KIF6: variants seen among roughly 807,000 people sequenced by gnomAD.
KIF6 encodes kinesin-like protein KIF6.
In KIF6, 106 loss-of-function variants were observed where a neutral mutation model predicts 112.7. That is an observed-to-expected ratio of 0.94 (90% CI 0.80 to 1.11). KIF6 has a LOEUF of 1.11. KIF6 is among the 50% of genes least tolerant of loss of function. The pLI is 0.00. For synonymous variants in KIF6, 339 were observed against 339.9 expected (o/e 1.00, Z 0.03); for missense variants, 929 against 964.0 (o/e 0.96, Z 0.48).
intron 15 of KIF6, among the ~76,000 whole-genome samples, chr6:39,408,401 T>C (rs1374833412): frequency 9.9e-5 from 15 of 152,260 alleles, no homozygotes; most frequent in Admixed American, 4.6e-4. Flanking sequence ...TTCACATTTG[T>C]ACACAAAAAT....
chr6:39,576,512 G>T (rs904312250), intron 10 of KIF6, among the ~76,000 whole-genome samples: 1 of 152,114 alleles, frequency 6.6e-6, no homozygotes, highest in African/African-American at 2.4e-5. Context: ...TTAGCAACTG[G>T]CTTCTGGATA....
At chr6:39,634,697 G>GAA (rs200804439) in intron 5 of KIF6, 152 bp downstream of exon 5, 8 of 637,716 alleles carry the variant, frequency 1.3e-5, no homozygotes, top group Admixed American at 2.9e-5. Context: ...TGTCATAACT[G>GAA]AAAAAAAAAT....
chr6:39,694,023 T>C (rs1788379574), intron 3 of KIF6, among the ~76,000 whole-genome samples: 1 of 151,394 alleles, frequency 6.6e-6, no homozygotes, highest in African/African-American at 2.4e-5. Flanking sequence ...CATACACAAA[T>C]CAATAAATGT....
intron 3 of KIF6, among the ~76,000 whole-genome samples, chr6:39,648,223 C>CG (rs34604470): frequency 0.061 from 3,748 of 61,602 alleles, 95 homozygotes; most frequent in Non-Finnish European, 0.077. Context: ...GGGGGGCGGG[C>CG]GGGGGGGGGT....
At chr6:39,580,958 T>C (rs902040719) in intron 9 of KIF6, among the ~76,000 whole-genome samples, 6 of 152,100 alleles carry the variant, frequency 3.9e-5, no homozygotes, top group African/African-American at 1.4e-4. Flanking sequence ...ATTCCCAAAA[T>C]AAACCCAACT....
chr6:39,566,213 T>A (rs1220347177), intron 10 of KIF6, among the ~76,000 whole-genome samples: 1 of 152,246 alleles, frequency 6.6e-6, no homozygotes, highest in Non-Finnish European at 1.5e-5. Flanking sequence ...TGTCTGTCTG[T>A]ATCTTTTAGA....
intron 15 of KIF6, among the ~76,000 whole-genome samples, chr6:39,402,296 C>T (rs1186281028): frequency 4.6e-5 from 7 of 152,112 alleles, no homozygotes; most frequent in South Asian, 4.1e-4. Flanking sequence ...CAAGCCGTTT[C>T]GAGGACTCAT....
intron 13 of KIF6, among the ~76,000 whole-genome samples, chr6:39,435,180 G>A (rs779860485): frequency 5.3e-5 from 8 of 152,094 alleles, no homozygotes; most frequent in Admixed American, 4.6e-4. Flanking sequence ...AAATGACCTC[G>A]TAATATTAAT....
intron 1 of KIF6, among the ~76,000 whole-genome samples, chr6:39,721,257 C>G (rs981663185): frequency 2.0e-5 from 3 of 152,146 alleles, no homozygotes; most frequent in Non-Finnish European, 4.4e-5. Flanking sequence ...GATAGCTCAC[C>G]AAGAATGCTC....
chr6:39,483,165 C>T (rs1028168521), intron 13 of KIF6, among the ~76,000 whole-genome samples: 8 of 152,208 alleles, frequency 5.3e-5, no homozygotes, highest in African/African-American at 1.9e-4. Context: ...GATTTTCCTC[C>T]TTTCTCTCTT....
Position 39,343,776 on chromosome 6 carries a change from T to C in KIF6, c.2361A>G (p.Gly787=). ...KRPVSSIPLT[G]DSQTDSDIIA... Reference sequence around the variant, plus strand: ...TGATGTCCGAGTCCGTCTGGCTGTCTCCGGTGAGAGGGATGGACGACACTG... The same window carrying C: ...TGATGTCCGAGTCCGTCTGGCTGTCCCCGGTGAGAGGGATGGACGACACTG... The change falls in exon 22 of 23, where the codon GGA becomes GGG. Residue 787 remains glycine (G), a synonymous_variant. Transcript: ENST00000287152. The surrounding 1 kb of genome is among the most constrained non-coding windows in gnomAD (Gnocchi z 4.1). The C allele has an allele frequency of 6.2e-7, 1 of 1,612,814 alleles. No homozygotes were observed. The highest frequency in any genetic ancestry group is 8.5e-7 in the Non-Finnish European group (1 of 1,179,476).
chr6:39,454,713 G>T (rs577090708), intron 13 of KIF6, among the ~76,000 whole-genome samples: 1 of 152,142 alleles, frequency 6.6e-6, no homozygotes, highest in African/African-American at 2.4e-5. Context: ...CCTGGGAAGC[G>T]CAAGGGGTCA....
chr6:39,424,068 T>C (rs1191406832), intron 14 of KIF6, among the ~76,000 whole-genome samples: 1 of 152,222 alleles, frequency 6.6e-6, no homozygotes, highest in Non-Finnish European at 1.5e-5. Flanking sequence ...CTCTTCACGC[T>C]CTGGCTCCTG....
At chr6:39,716,424 AG>A in intron 2 of KIF6, among the ~76,000 whole-genome samples, 1 of 152,238 alleles carries the variant, frequency 6.6e-6, no homozygotes, top group Admixed American at 6.5e-5. Context: ...GAACGATTTT[AG>A]CACCAAAGTT....
At chr6:39,697,941 G>C (rs1451431289) in intron 3 of KIF6, among the ~76,000 whole-genome samples, 1 of 152,098 alleles carries the variant, frequency 6.6e-6, no homozygotes, top group East Asian at 1.9e-4. Flanking sequence ...ACTTTTCAGT[G>C]TCTATCTTAA....
intron 3 of KIF6, among the ~76,000 whole-genome samples, chr6:39,641,391 A>T (rs543930386): frequency 6.6e-6 from 1 of 152,132 alleles, no homozygotes; most frequent in African/African-American, 2.4e-5. Context: ...AACTATCGCA[A>T]GGGCAAAAAA....
chr6:39,708,901 A>T (rs1426762029), intron 3 of KIF6, among the ~76,000 whole-genome samples: 1 of 151,946 alleles, frequency 6.6e-6, no homozygotes, highest in Non-Finnish European at 1.5e-5. Context: ...GATAAAAAAA[A>T]AAAAACAAAT....
intron 15 of KIF6, among the ~76,000 whole-genome samples, chr6:39,415,328 C>G (rs11752892): frequency 0.038 from 5,151 of 135,598 alleles, 156 homozygotes; most frequent in Non-Finnish European, 0.054. Context: ...AAAAAAAAGG[C>G]CAAATGGGAC....
At chr6:39,373,776 T>C (rs1032826026) in intron 16 of KIF6, among the ~76,000 whole-genome samples, 3 of 152,184 alleles carry the variant, frequency 2.0e-5, no homozygotes, top group South Asian at 2.1e-4. Flanking sequence ...ATTTGAAGAA[T>C]TAATATTGTT....
Sources: gnomAD v4.1 joint callset for allele counts (sites outside exome capture counted in the v4.1 genomes callset) on GRCh38, gnomAD v4.1.1 for gene constraint, Gnocchi (gnomAD v3.1) non-coding constraint, MANE v1.5 for transcripts, NCBI Gene and HGNC (gene_info 2026-07-23, HGNC 2026-07-21) for gene names.